Variants in PTPRD observed in about 807,000 individuals in gnomAD.
PTPRD encodes protein tyrosine phosphatase receptor type D, also known as receptor-type tyrosine-protein phosphatase delta.
In PTPRD, 34 loss-of-function variants were observed where a neutral mutation model predicts 214.5. The ratio of observed to expected loss-of-function variants is 0.16; its 90% CI spans 0.12 to 0.21. The LOEUF is 0.21. Among genes scored for constraint, PTPRD ranks in the 10% least tolerant of loss-of-function variants. The pLI is 1.00. For missense variants in PTPRD, 2,545 were observed against 2,398.7 expected (o/e 1.06, Z -1.27); for synonymous variants, 1,128 against 845.7 (o/e 1.33, Z -5.79).
chr9:9,641,806 C>T (rs1042786498), intron 7 of PTPRD, among the ~76,000 whole-genome samples: 8 of 152,120 alleles, frequency 5.3e-5, no homozygotes, highest in African/African-American at 7.2e-5. Flanking sequence ...CCCCAAACCA[C>T]CGTGATTTAG....
chr9:10,103,647 T>C (rs1030410769), intron 3 of PTPRD, among the ~76,000 whole-genome samples: 17 of 151,454 alleles, frequency 1.1e-4, no homozygotes, highest in African/African-American at 4.1e-4. Flanking sequence ...GGGTTCATTG[T>C]CTCTCCTTGA....
intron 8 of PTPRD, among the ~76,000 whole-genome samples, chr9:9,547,294 T>C (rs2079033626): frequency 6.6e-6 from 1 of 152,096 alleles, no homozygotes. Flanking sequence ...TGTGCAGAGC[T>C]TACTACAGTG....
At chr9:9,074,060 T>C (rs948586112) in intron 10 of PTPRD, among the ~76,000 whole-genome samples, 5 of 152,084 alleles carry the variant, frequency 3.3e-5, no homozygotes, top group African/African-American at 9.7e-5. Flanking sequence ...AAATAGAAGC[T>C]GTTTTGTTAT....
chr9:8,888,879 G>C (rs1021693575), intron 11 of PTPRD, among the ~76,000 whole-genome samples: 2 of 152,154 alleles, frequency 1.3e-5, no homozygotes, highest in African/African-American at 4.8e-5. Context: ...TTAACTTGAA[G>C]GCCCAGAGCA....
intron 2 of PTPRD, among the ~76,000 whole-genome samples, chr9:10,414,294 T>C (rs1200112430): frequency 6.6e-6 from 1 of 151,850 alleles, no homozygotes; most frequent in African/African-American, 2.4e-5. Context: ...ACCTGAACAC[T>C]TTTCAAAAGA....
At chr9:10,119,855 C>G (rs982102639) in intron 3 of PTPRD, among the ~76,000 whole-genome samples, 21 of 151,850 alleles carry the variant, frequency 1.4e-4, no homozygotes, top group Non-Finnish European at 3.1e-4. Flanking sequence ...GTACAGAGAC[C>G]TATTTGAATC....
chr9:10,420,736 T>G lies in PTPRD; in HGVS notation c.-599-79719A>C, dbSNP rs148181659. Among the ~76,000 whole-genome samples, 1,479 of 152,020 alleles carry G rather than the reference T, an allele frequency of 9.7e-3. 60 individuals are homozygous for G. The highest frequency in any genetic ancestry group is 0.073 in the East Asian group (375 of 5,112). ...TATATTTCAACAAACATTAACAGAT[T>G]TGAGCTACATTTTCTTATTCATTCT... On this transcript the variant is annotated intron_variant, in intron 2 of 45. Coordinates refer to ENST00000381196, the MANE Select transcript of PTPRD (RefSeq NM_002839.4).
intron 7 of PTPRD, among the ~76,000 whole-genome samples, chr9:9,707,771 T>C (rs934080281): frequency 6.6e-6 from 1 of 152,136 alleles, no homozygotes; most frequent in African/African-American, 2.4e-5. Context: ...GAGTTAGCAG[T>C]GCCACTATTC....
intron 12 of PTPRD, among the ~76,000 whole-genome samples, chr9:8,726,042 C>CACAA (rs1555219594): frequency 3.4e-5 from 5 of 149,224 alleles, no homozygotes; most frequent in African/African-American, 1.2e-4. Flanking sequence ...CACACACACA[C>CACAA]ACACACACAC....
chr9:8,883,286 A>G (rs1158176971), intron 11 of PTPRD, among the ~76,000 whole-genome samples: 1 of 152,216 alleles, frequency 6.6e-6, no homozygotes, highest in African/African-American at 2.4e-5. Context: ...AAGGGTCTAG[A>G]TGAAAGCTAT....
intron 3 of PTPRD, among the ~76,000 whole-genome samples, chr9:10,084,061 C>A (rs1443553790): frequency 6.6e-6 from 1 of 151,872 alleles, no homozygotes; most frequent in Non-Finnish European, 1.5e-5. Flanking sequence ...CTCTATATCC[C>A]AATTTTAGAA....
At chr9:9,697,606 A>T (rs534331210) in intron 7 of PTPRD, among the ~76,000 whole-genome samples, 4 of 152,174 alleles carry the variant, frequency 2.6e-5, no homozygotes, top group Non-Finnish European at 2.9e-5. Context: ...TGTTGCTTTT[A>T]GAATTCTCCT....
rs1180698042 is a variant in PTPRD at position 10,307,766 on chromosome 9, G to C, written c.-545+33197C>G. 2.6e-5 allele frequency among the ~76,000 whole-genome samples: 4 copies of C among 151,746 alleles called. 1 individual carries two copies. The highest frequency in any genetic ancestry group is 9.7e-5 in the African/African-American group (4 of 41,336). ...CCTTTGATAATAGCCATTCTAACTG[G>C]GGTAGAATGATATATCATTGTGGTT... On this transcript the variant is annotated intron_variant, in intron 3 of 45. Transcript: ENST00000381196.
intron 4 of PTPRD, among the ~76,000 whole-genome samples, chr9:9,992,050 A>C (rs2095953880): frequency 1.3e-5 from 2 of 152,196 alleles, no homozygotes; most frequent in South Asian, 4.1e-4. Flanking sequence ...CAAACCCATG[A>C]GAGTTAGAAA....
chr9:10,074,019 G>A (rs1313181129), intron 3 of PTPRD, among the ~76,000 whole-genome samples: 1 of 152,110 alleles, frequency 6.6e-6, no homozygotes, highest in African/African-American at 2.4e-5. Flanking sequence ...ATACTGTGAT[G>A]CTTATAATCA....
At chr9:9,581,442 C>T (rs1011798976) in intron 7 of PTPRD, among the ~76,000 whole-genome samples, 2 of 152,070 alleles carry the variant, frequency 1.3e-5, no homozygotes, top group East Asian at 1.9e-4. Context: ...AAAATAACAA[C>T]TTTGAACTCT....
chr9:9,334,714 C>A (rs2043739756), intron 9 of PTPRD, among the ~76,000 whole-genome samples: 1 of 151,854 alleles, frequency 6.6e-6, no homozygotes, highest in Admixed American at 6.6e-5. Context: ...GCCTGGTACA[C>A]AGAAAGCATT....
At chr9:10,311,348 T>TA (rs1283889549) in intron 3 of PTPRD, among the ~76,000 whole-genome samples, 2 of 152,022 alleles carry the variant, frequency 1.3e-5, no homozygotes, top group Admixed American at 1.3e-4. Flanking sequence ...CCAGAATGAC[T>TA]AAAAAATGTG....
intron 40 of PTPRD, among the ~76,000 whole-genome samples, chr9:8,341,489 G>C (rs1852400542): frequency 6.6e-6 from 1 of 152,044 alleles, no homozygotes; most frequent in Non-Finnish European, 1.5e-5. Context: ...CTCAAGTTAG[G>C]AGACATAAGG....
Sources: allele counts gnomAD v4.1 joint callset (sites outside exome capture counted in the v4.1 genomes callset), GRCh38; gene constraint gnomAD v4.1.1; transcripts MANE v1.5; gene names NCBI Gene and HGNC (gene_info 2026-07-23, HGNC 2026-07-21).